CFAP210: variants seen among roughly 807,000 people sequenced by gnomAD.
The protein encoded by CFAP210 is cilia- and flagella- associated protein 210.
chr2:169,678,484 A>G, the CFAP210 span, among the ~76,000 whole-genome samples: 2 of 152,260 alleles, frequency 1.3e-5, no homozygotes, highest in South Asian at 2.1e-4. Flanking sequence ...CACAATCCCA[A>G]TAAAAATTCC....
chr2:169,667,995 C>G, the CFAP210 span, among the ~76,000 whole-genome samples: 1 of 152,200 alleles, frequency 6.6e-6, no homozygotes, highest in African/African-American at 2.4e-5. Context: ...GCATTGATTT[C>G]TCTTCTAGCT....
the CFAP210 span, chr2:169,674,898 AATTGAT>A: frequency 2.0e-6 from 3 of 1,523,586 alleles, no homozygotes; most frequent in Middle Eastern, 3.4e-4. Context: ...TGTCTGGTAA[AATTGAT>A]ATTGCTTTGC....
chr2:169,684,706 AGCTGTG>A, the CFAP210 span, among the ~76,000 whole-genome samples: 1 of 151,968 alleles, frequency 6.6e-6, no homozygotes, highest in Non-Finnish European at 1.5e-5. Context: ...CAGGGTGGAA[AGCTGTG>A]GCACAATCTC....
At chr2:169,681,151 A>G in the CFAP210 span, 2,741 of 1,613,920 alleles carry the variant, frequency 1.7e-3, 49 homozygotes, top group African/African-American at 0.032. Context: ...CATCGTGTGG[A>G]ATTATGGTGA....
chr2:169,672,052 G>A, the CFAP210 span, among the ~76,000 whole-genome samples: 1 of 152,088 alleles, frequency 6.6e-6, no homozygotes, highest in Non-Finnish European at 1.5e-5. Context: ...GTTTAAAGAG[G>A]TTTTTTATAG....
chr2:169,687,070 C>A, the CFAP210 span, among the ~76,000 whole-genome samples: 1 of 152,078 alleles, frequency 6.6e-6, no homozygotes, highest in Non-Finnish European at 1.5e-5. Flanking sequence ...TCTCATGAGA[C>A]GTATTCACTA....
At chr2:169,656,628 C>A in the CFAP210 span, among the ~76,000 whole-genome samples, 1 of 152,022 alleles carries the variant, frequency 6.6e-6, no homozygotes, top group Non-Finnish European at 1.5e-5. Flanking sequence ...CTATTCAGGG[C>A]CATGAGGCAA....
chr2:169,686,752 C>A, the CFAP210 span, among the ~76,000 whole-genome samples: 1 of 152,204 alleles, frequency 6.6e-6, no homozygotes, highest in African/African-American at 2.4e-5. Context: ...AAAGGCCCCA[C>A]CTCTCAATAC....
At chr2:169,663,185 T>C in the CFAP210 span, among the ~76,000 whole-genome samples, 1 of 152,076 alleles carries the variant, frequency 6.6e-6, no homozygotes, top group Non-Finnish European at 1.5e-5. Flanking sequence ...AAGTCCAAGT[T>C]GTCTCCTTGC....
chr2:169,662,222 T>C, the CFAP210 span: 5 of 1,539,414 alleles, frequency 3.2e-6, no homozygotes, highest in South Asian at 6.0e-5. Context: ...ATGTATCAAT[T>C]TTAAAAGTTG....
chr2:169,669,706 C>T, the CFAP210 span, among the ~76,000 whole-genome samples: 3 of 148,552 alleles, frequency 2.0e-5, no homozygotes, highest in African/African-American at 5.0e-5. Flanking sequence ...CTGGAGGAGG[C>T]GGAGCTTGCA....
At chr2:169,675,462 G>A in the CFAP210 span, among the ~76,000 whole-genome samples, 3 of 152,150 alleles carry the variant, frequency 2.0e-5, no homozygotes, top group African/African-American at 7.2e-5. Context: ...AGGGGGAGCA[G>A]GCATGTCATG....
At chr2:169,676,069 A>C in the CFAP210 span, among the ~76,000 whole-genome samples, 1 of 152,298 alleles carries the variant, frequency 6.6e-6, no homozygotes, top group Admixed American at 6.5e-5. Context: ...TGTACTATTG[A>C]GATGTAATTT....
the CFAP210 span, among the ~76,000 whole-genome samples, chr2:169,649,556 T>C: frequency 2.0e-5 from 3 of 152,190 alleles, no homozygotes; most frequent in Admixed American, 2.0e-4. Context: ...ACCCAAGTGC[T>C]ATAGGACAAT....
chr2:169,674,929 T>A, the CFAP210 span: 1 of 1,538,932 alleles, frequency 6.5e-7, no homozygotes, highest in African/African-American at 1.4e-5. Context: ...TCAATGGCCT[T>A]TTTTCTTTTT....
chr2:169,680,899 TTTTA>T, the CFAP210 span: 2 of 866,330 alleles, frequency 2.3e-6, no homozygotes, highest in Admixed American at 2.4e-5. Context: ...TTCGATGCAT[TTTTA>T]TGAAATTTTA....
the CFAP210 span, among the ~76,000 whole-genome samples, chr2:169,664,512 C>T: frequency 1.1e-4 from 16 of 152,288 alleles, no homozygotes; most frequent in African/African-American, 3.9e-4. Context: ...ATTTAATTAG[C>T]TGTCAAAAGG....
the CFAP210 span, among the ~76,000 whole-genome samples, chr2:169,690,389 G>A: frequency 1.1e-3 from 163 of 152,166 alleles, no homozygotes; most frequent in Non-Finnish European, 1.8e-3. Context: ...AAGCCATCTG[G>A]TACCCAGTTT....
At chr2:169,681,825 GTTC>G in the CFAP210 span, among the ~76,000 whole-genome samples, 2 of 152,190 alleles carry the variant, frequency 1.3e-5, no homozygotes, top group Non-Finnish European at 2.9e-5. Flanking sequence ...GTTCTTCCTT[GTTC>G]TTCTGGGAGA....
Sources: gnomAD v4.1 joint callset for allele counts (sites outside exome capture counted in the v4.1 genomes callset) on GRCh38, gnomAD v4.1.1 for gene constraint, MANE v1.5 for transcripts, NCBI Gene and HGNC (gene_info 2026-07-23, HGNC 2026-07-21) for gene names.